CAMK2D: variants seen among roughly 807,000 people sequenced by gnomAD.
The protein encoded by CAMK2D is calcium/calmodulin dependent protein kinase II delta, also known as calcium/calmodulin-dependent protein kinase type II subunit delta.
In CAMK2D, 37 loss-of-function variants were observed where a neutral mutation model predicts 84.0. The ratio of observed to expected loss-of-function variants is 0.44; its 90% confidence interval spans 0.34 to 0.58. CAMK2D has a LOEUF of 0.58. Ranked by LOEUF, CAMK2D falls within the 20% of genes least tolerant of loss-of-function variation. The pLI is 0.02. For missense variants in CAMK2D, 448 were observed against 652.5 expected (o/e 0.69, Z 3.41); for synonymous variants, 202 against 212.5 (o/e 0.95, Z 0.43).
At chr4:113,572,721 T>A (rs887706005) in intron 4 of CAMK2D, among the ~76,000 whole-genome samples, 7 of 152,182 alleles carry the variant, frequency 4.6e-5, no homozygotes, top group African/African-American at 1.4e-4. Context: ...GAAAGCAGTA[T>A]GGTGTTTTCT....
intron 3 of CAMK2D, among the ~76,000 whole-genome samples, chr4:113,617,575 G>T (rs903149948): frequency 4.1e-4 from 62 of 152,126 alleles, no homozygotes; most frequent in African/African-American, 1.4e-3. Context: ...AGGGAAGACA[G>T]ACAATATATG....
At chr4:113,590,638 A>G (rs905798600) in intron 4 of CAMK2D, among the ~76,000 whole-genome samples, 49 of 152,192 alleles carry the variant, frequency 3.2e-4, no homozygotes, top group African/African-American at 1.0e-3. Context: ...TGAGGCTCCA[A>G]TAAAAGTTCT....
At chr4:113,541,287 G>A (rs772604342) in intron 6 of CAMK2D, among the ~76,000 whole-genome samples, 2 of 152,078 alleles carry the variant, frequency 1.3e-5, no homozygotes, top group South Asian at 2.1e-4. Context: ...TTTTAAAGAC[G>A]TGATACTAAA....
chr4:113,695,453 C>T (rs2099399813), intron 2 of CAMK2D, among the ~76,000 whole-genome samples: 1 of 152,116 alleles, frequency 6.6e-6, no homozygotes. Context: ...CATGACCAAA[C>T]TTAGCTCTTG....
chr4:113,596,699 T>C (rs565170917), intron 4 of CAMK2D, among the ~76,000 whole-genome samples: 1 of 152,284 alleles, frequency 6.6e-6, no homozygotes, highest in South Asian at 2.1e-4. Flanking sequence ...TAGATCTCAA[T>C]GCCAGGCTTA....
Position 113,581,179 on chromosome 4 carries a change from A to C in CAMK2D, c.275+27973T>G, listed in dbSNP as rs376642498. On this transcript the variant is annotated intron_variant, in intron 4 of 20. Transcript: ENST00000511664. ...AGGTAGAATCAATAATTGTTATTCT[A>C]TTTGACCTTTTCTATACCTAAATAA... 2.6e-5 allele frequency among the ~76,000 whole-genome samples: 4 copies of C among 152,292 alleles called. No individual in the cohort carries two copies. In the South Asian group the frequency reaches 6.2e-4, roughly 24 times the overall value.
chr4:113,667,597 C>A (rs1254333888), intron 2 of CAMK2D, among the ~76,000 whole-genome samples: 3 of 152,070 alleles, frequency 2.0e-5, no homozygotes, highest in Non-Finnish European at 4.4e-5. Context: ...AGAATCTATC[C>A]ATTTAAGTAG....
intron 8 of CAMK2D, among the ~76,000 whole-genome samples, chr4:113,523,916 T>C (rs779512399): frequency 2.6e-5 from 4 of 152,290 alleles, no homozygotes; most frequent in African/African-American, 9.6e-5. Context: ...CAGGCTGAAG[T>C]GCAGTGGCAT....
intron 2 of CAMK2D, chr4:113,753,794 T>C: frequency 2.7e-6 from 1 of 367,412 alleles, no homozygotes; most frequent in Non-Finnish European, 3.1e-6. Flanking sequence ...TTCGGTTGGG[T>C]GGGGGCGGGG....
Position 113,504,958 on chromosome 4 carries a change from C to A in CAMK2D, c.1044+18G>T. 2 of 1,465,100 alleles carry A rather than the reference C, an allele frequency of 1.4e-6. No homozygotes were observed. Among genetic ancestry groups the A allele is most frequent in the Non-Finnish European group, 1.8e-6 (2 of 1,098,800 alleles). The allele number at this position is 1,465,100 out of a possible 1,614,324, so 90.8% of individuals were successfully genotyped here. ...AATGTAAAGAACTTAAGAAGGGTTACAAAGAGTCCAGGTATACCAGCGCTG... is the reference window on the plus strand; with the variant it reads ...AATGTAAAGAACTTAAGAAGGGTTAAAAAGAGTCCAGGTATACCAGCGCTG... On this transcript the variant is annotated intron_variant, in intron 14 of 20. Transcript: ENST00000511664.
chr4:113,508,318 T>A, intron 13 of CAMK2D: 2 of 1,333,880 alleles, frequency 1.5e-6, no homozygotes, highest in Non-Finnish European at 1.1e-6. Context: ...ATATGACCGG[T>A]TGAATTTAGA....
intron 13 of CAMK2D, among the ~76,000 whole-genome samples, chr4:113,505,694 T>C (rs1359462239): frequency 6.6e-6 from 1 of 152,220 alleles, no homozygotes; most frequent in Non-Finnish European, 1.5e-5. Context: ...CTACATTTTC[T>C]GTCAATGTGC....
At chr4:113,589,244 A>G (rs1170977325) in intron 4 of CAMK2D, among the ~76,000 whole-genome samples, 1 of 152,166 alleles carries the variant, frequency 6.6e-6, no homozygotes, top group Admixed American at 6.5e-5. Context: ...AGAAGACTAT[A>G]TGAAGGTGAG....
intron 16 of CAMK2D, among the ~76,000 whole-genome samples, chr4:113,468,736 AG>A: frequency 6.6e-6 from 1 of 152,172 alleles, no homozygotes; most frequent in East Asian, 1.9e-4. Context: ...CTGAACACCA[AG>A]TAATAAATAA....
At chr4:113,540,909 CACAG>C (rs1265960712) in intron 6 of CAMK2D, among the ~76,000 whole-genome samples, 16 of 152,112 alleles carry the variant, frequency 1.1e-4, no homozygotes. Context: ...AAATAGAGTG[CACAG>C]ACATTCTTAC....
chr4:113,698,739 GAC>G (rs1205387862), intron 2 of CAMK2D, among the ~76,000 whole-genome samples: 1 of 152,020 alleles, frequency 6.6e-6, no homozygotes, highest in Non-Finnish European at 1.5e-5. Context: ...ATAGGTATAT[GAC>G]ATGTTGGATG....
chr4:113,589,057 G>A (rs2098846899), intron 4 of CAMK2D, among the ~76,000 whole-genome samples: 1 of 152,284 alleles, frequency 6.6e-6, no homozygotes, highest in Middle Eastern at 3.4e-3. Flanking sequence ...GAAAGAGGAA[G>A]TGCAAATACC....
intron 16 of CAMK2D, among the ~76,000 whole-genome samples, chr4:113,488,113 GAAT>G (rs781457816): frequency 3.3e-5 from 5 of 151,718 alleles, no homozygotes; most frequent in Admixed American, 6.6e-5. Context: ...AAGATAGAAG[GAAT>G]AATATTTTAA....
intron 6 of CAMK2D, among the ~76,000 whole-genome samples, chr4:113,546,982 T>C (rs998390944): frequency 1.3e-5 from 2 of 152,154 alleles, no homozygotes; most frequent in Non-Finnish European, 2.9e-5. Flanking sequence ...AATATGTATA[T>C]AGGGATATCC....
Sources: gnomAD v4.1 joint callset for allele counts (sites outside exome capture counted in the v4.1 genomes callset) on GRCh38, gnomAD v4.1.1 for gene constraint, MANE v1.5 for transcripts, NCBI Gene and HGNC (gene_info 2026-07-23, HGNC 2026-07-21) for gene names.